The following ULK4 variants were observed in gnomAD, a reference collection of about 807,000 sequenced individuals.
ULK4 encodes the protein inactive serine/threonine-protein kinase ULK4.
In ULK4, 133 loss-of-function variants were observed where a neutral mutation model predicts 160.6. The observed-to-expected ratio is 0.83, with a 90% CI of 0.72 to 0.96. The LOEUF (loss-of-function observed/expected upper bound fraction) is 0.96, where lower values mean the gene tolerates loss of function less well. Ranked by LOEUF, ULK4 falls within the 40% of genes least tolerant of loss-of-function variation. The pLI, the probability that ULK4 is intolerant of heterozygous loss-of-function variation, is 0.00. For synonymous variants in ULK4, 534 were observed against 539.8 expected (o/e 0.99, Z 0.15); for missense variants, 1,580 against 1,499.5 (o/e 1.05, Z -0.89).
intron 16 of ULK4, among the ~76,000 whole-genome samples, chr3:41,890,872 G>C (rs116464422): frequency 7.2e-4 from 3 of 4,192 alleles, no homozygotes; most frequent in African/African-American, 3.9e-3. Context: ...GGGAAGAAAG[G>C]GACAGAAGGG....
chr3:41,374,782 G>T (rs2125787140), intron 35 of ULK4, among the ~76,000 whole-genome samples: 2 of 152,260 alleles, frequency 1.3e-5, no homozygotes, highest in South Asian at 4.1e-4. Flanking sequence ...GGAAGTTCTG[G>T]CCAGGGCAAT....
chr3:41,434,285 C>A (rs150862586), intron 34 of ULK4, among the ~76,000 whole-genome samples: 143 of 152,216 alleles, frequency 9.4e-4, no homozygotes, highest in African/African-American at 3.3e-3. Flanking sequence ...TTGTCCCAAG[C>A]ATTTTGGATA....
intron 30 of ULK4, among the ~76,000 whole-genome samples, chr3:41,662,164 G>C (rs1445355545): frequency 6.6e-6 from 1 of 152,210 alleles, no homozygotes; most frequent in Non-Finnish European, 1.5e-5. Context: ...CAGGAATGGA[G>C]AACAATCCCT....
Position 41,789,731 on chromosome 3 carries a change from T to G in ULK4, c.2123A>C (p.Gln708Pro). ...GGCAGCGAATAAGGTCAACATGTAC[T>G]GCTGAACTTTGCAGATGGCAGAGGC... ...SLASAICKVQ[Q>P]YMLTLFAAML... Residue 708 changes from glutamine (Q) to proline (P), a missense_variant, in exon 21 of 37, where the codon CAG (glutamine) becomes CCG (proline). By Grantham distance (76) the Gln-to-Pro change is moderately conservative. Transcript: ENST00000301831. The G allele has an allele frequency of 6.2e-7, 1 of 1,613,802 alleles. No individual in the cohort carries two copies. The highest frequency in any genetic ancestry group is 8.5e-7 in the Non-Finnish European group (1 of 1,179,846).
intron 21 of ULK4, among the ~76,000 whole-genome samples, chr3:41,765,392 A>T (rs994709678): frequency 2.6e-5 from 4 of 151,876 alleles, no homozygotes; most frequent in African/African-American, 9.7e-5. Context: ...GGAACATCAC[A>T]CACCGGGGCC....
Position 41,289,243 on chromosome 3 carries a change from A to T in ULK4, c.3679-39669T>A, listed in dbSNP as rs553666271. ...CTTAATTTTGGAATAACATACCATCATGTGAGTGTACTGTACATTTTTAAA... is the reference window on the plus strand; with the variant it reads ...CTTAATTTTGGAATAACATACCATCTTGTGAGTGTACTGTACATTTTTAAA... On this transcript the variant is annotated intron_variant, in intron 35 of 36. Transcript: ENST00000301831. Among the ~76,000 whole-genome samples the T allele has an allele frequency of 4.6e-5, 7 of 152,356 alleles. 1 individual carries two copies. Among genetic ancestry groups the T allele is most frequent in the African/African-American group, 1.7e-4 (7 of 41,594 alleles).
rs554425288 is a variant in ULK4, at chr3:41,594,574, G to A, written c.3120+21095C>T. On this transcript the variant is annotated intron_variant, in intron 31 of 36. Coordinates refer to ENST00000301831, the MANE Select transcript of ULK4 (RefSeq NM_017886.4). ...TAAAATAAAATAAAAGAAGGCCACT[G>A]TGGCTGAAGAATACAGGTGAAGGGG... Among the ~76,000 whole-genome samples the A allele has an allele frequency of 3.3e-5, 5 of 152,230 alleles. No individual in the cohort carries two copies. In the East Asian group the frequency reaches 9.7e-4, roughly 29 times the overall value.
intron 32 of ULK4, among the ~76,000 whole-genome samples, chr3:41,494,799 G>C (rs1234258898): frequency 7.2e-5 from 11 of 152,024 alleles, no homozygotes; most frequent in Non-Finnish European, 1.0e-4. Context: ...GACAAACAGA[G>C]AGCCAAATCA....
At chr3:41,309,062 GAA>G (rs1575419374) in intron 35 of ULK4, among the ~76,000 whole-genome samples, 1 of 152,086 alleles carries the variant, frequency 6.6e-6, no homozygotes, top group African/African-American at 2.4e-5. Context: ...TAAAATTTAT[GAA>G]AGTTATTTTT....
intron 5 of ULK4, among the ~76,000 whole-genome samples, chr3:41,929,603 C>T (rs1344579321): frequency 1.3e-5 from 2 of 152,136 alleles, no homozygotes; most frequent in East Asian, 3.9e-4. Context: ...CGTCTCAGCC[C>T]AACATCTCCT....
intron 31 of ULK4, among the ~76,000 whole-genome samples, chr3:41,566,621 T>C (rs1256702755): frequency 6.6e-6 from 1 of 152,208 alleles, no homozygotes; most frequent in Non-Finnish European, 1.5e-5. Flanking sequence ...GGATTGTGAA[T>C]TTTGCTTTCC....
intron 31 of ULK4, among the ~76,000 whole-genome samples, chr3:41,613,002 G>C (rs976797098): frequency 2.0e-5 from 3 of 152,152 alleles, no homozygotes; most frequent in African/African-American, 7.2e-5. Context: ...CCAGCTAAAT[G>C]AATCAAATGA....
At position 41,359,064 on chromosome 3, in the gene ULK4, C is replaced by T. The variant is rs143146056; in HGVS notation, c.3678+39015G>A. Among the ~76,000 whole-genome samples the T allele has an allele frequency of 2.6e-5, 4 of 152,252 alleles. No individual in the cohort carries two copies. In the East Asian group the frequency reaches 5.8e-4, roughly 22 times the overall value. ...TTAGAGATGACTTGTTCCCTCACTC[C>T]CTTCAGGCCTCTGCTCAGAGTTCAC... On this transcript the variant is annotated intron_variant, in intron 35 of 36. Transcript: ENST00000301831.
intron 21 of ULK4, among the ~76,000 whole-genome samples, chr3:41,789,443 G>T (rs2271994): frequency 0.054 from 8,245 of 152,238 alleles, 417 homozygotes; most frequent in East Asian, 0.17. Context: ...AATGGGACAA[G>T]TAGGCAGAAG....
intron 32 of ULK4, among the ~76,000 whole-genome samples, chr3:41,523,128 C>T (rs1035736650): frequency 6.6e-6 from 1 of 152,110 alleles, no homozygotes; most frequent in Non-Finnish European, 1.5e-5. Flanking sequence ...AGGCTGGTCA[C>T]GAACTCCTGA....
At position 41,653,861 on chromosome 3, in the gene ULK4, GT is replaced by G. The variant is rs1378356027; in HGVS notation, c.3071+9745del. Among the ~76,000 whole-genome samples, 93 of 152,300 alleles carry G rather than the reference GT, an allele frequency of 6.1e-4. 1 individual carries two copies. The highest frequency in any genetic ancestry group is 2.2e-3 in the African/African-American group (90 of 41,566). On this transcript the variant is annotated intron_variant, in intron 30 of 36. Transcript: ENST00000301831. ...AGGGAAAGTTTACAGACCTTAGGAAGTCTTGGAAAACATAAAAAGCTTTACT... is the reference window on the plus strand; with the variant it reads ...AGGGAAAGTTTACAGACCTTAGGAAGCTTGGAAAACATAAAAAGCTTTACT...
chr3:41,317,469 GATT>G (rs1197964602), intron 35 of ULK4, among the ~76,000 whole-genome samples: 2 of 152,212 alleles, frequency 1.3e-5, no homozygotes, highest in East Asian at 1.9e-4. Context: ...GCACAGAACA[GATT>G]ATTGATAATG....
At chr3:41,566,434 T>C (rs1339112705) in intron 31 of ULK4, among the ~76,000 whole-genome samples, 1 of 152,184 alleles carries the variant, frequency 6.6e-6, no homozygotes, top group East Asian at 1.9e-4. Context: ...TTCAAGTATG[T>C]AGAACTCAGA....
At chr3:41,897,033 A>C (rs1188250512) in intron 14 of ULK4, 30 bp from the exon 15 acceptor site, 3 of 1,557,652 alleles carry the variant, frequency 1.9e-6, no homozygotes, top group Non-Finnish European at 1.8e-6. Context: ...ATAAAAGTAC[A>C]TATGATGAGA....
Sources: allele counts gnomAD v4.1 joint callset (sites outside exome capture counted in the v4.1 genomes callset), GRCh38; gene constraint gnomAD v4.1.1; transcripts MANE v1.5; gene names NCBI Gene and HGNC (gene_info 2026-07-23, HGNC 2026-07-21).